Variants in TBC1D1 observed in about 807,000 individuals in gnomAD.
TBC1D1 encodes TBC1 (tre-2/USP6, BUB2, cdc16) domain family, member 1.
Under a neutral mutation model 125.6 loss-of-function variants are expected in TBC1D1, and 89 were observed. The ratio of observed to expected loss-of-function variants is 0.71; its 90% confidence interval spans 0.60 to 0.85. The LOEUF (loss-of-function observed/expected upper bound fraction) is 0.85. Ranked by LOEUF, TBC1D1 falls within the 40% of genes least tolerant of loss-of-function variation. The probability of loss-of-function intolerance (pLI) is 0.00; values close to 1 mark genes in which losing one functional copy is unlikely to be tolerated. For synonymous variants in TBC1D1, 565 were observed against 564.1 expected (o/e 1.00, Z -0.02); for missense variants, 1,377 against 1,469.2 (o/e 0.94, Z 1.03).
chr4:37,977,331 G>C lies in TBC1D1; in HGVS notation c.418-37178G>C, dbSNP rs1367776298. ...GGCCGCCCCGCGGGCGCGACCTCTCGGGGCAGTGACGAACTGGGTGGAGCC... is the reference window on the plus strand; with the variant it reads ...GGCCGCCCCGCGGGCGCGACCTCTCCGGGCAGTGACGAACTGGGTGGAGCC... On this transcript the variant is annotated intron_variant, in intron 2 of 19. Transcript: ENST00000261439. This position sits in a 1 kb window ranked among gnomAD's most constrained non-coding sequence, Gnocchi z 4.3. 5.8e-5 allele frequency: 10 copies of C among 171,084 alleles called. No homozygotes were observed. The highest frequency in any genetic ancestry group is 1.0e-4 in the Non-Finnish European group (9 of 90,106). 10.6% of individuals were successfully genotyped at this position (171,084 alleles called of 1,614,324 possible).
At chr4:37,984,114 G>A (rs527491768) in intron 2 of TBC1D1, among the ~76,000 whole-genome samples, 33 of 151,168 alleles carry the variant, frequency 2.2e-4, no homozygotes, top group African/African-American at 7.5e-4. Context: ...ATTTTTTTGT[G>A]CTGAATCATA....
At chr4:38,018,880 C>T (rs1743396584) in intron 4 of TBC1D1, among the ~76,000 whole-genome samples, 1 of 150,542 alleles carries the variant, frequency 6.6e-6, no homozygotes, top group Non-Finnish European at 1.5e-5. Context: ...ATAGATAGTG[C>T]TTATCTTTGA....
intron 2 of TBC1D1, among the ~76,000 whole-genome samples, chr4:38,005,021 C>CA (rs906833561): frequency 7.7e-4 from 116 of 150,284 alleles, no homozygotes; most frequent in African/African-American, 2.8e-3. Flanking sequence ...AGGGAGAGAG[C>CA]AAAGTGTTCT....
At position 38,021,655 on chromosome 4, in the gene TBC1D1, C is replaced by T; in HGVS notation, c.1147C>T (p.Pro383Ser). Reference sequence around the variant, plus strand: ...CGCAGTGCAGCAGACAGCTAAGGCGCCAGCCCAGCTGTGTGAGGGCTGCCC... The same window carrying T: ...CGCAGTGCAGCAGACAGCTAAGGCGTCAGCCCAGCTGTGTGAGGGCTGCCC... Residue 383 changes from proline (P) to serine (S), a missense_variant, in exon 6 of 20, where the codon CCA becomes TCA. Pro to Ser is a moderately conservative substitution (Grantham distance 74). Coordinates refer to ENST00000261439, the MANE Select transcript of TBC1D1 (RefSeq NM_015173.4). The T allele has an allele frequency of 6.3e-7, 1 of 1,598,174 alleles. No individual in the cohort carries two copies.
rs753990550 is a variant in TBC1D1, at chr4:38,014,711, G to A, written c.620G>A (p.Arg207Gln). The A allele has an allele frequency of 4.3e-6, 7 of 1,612,314 alleles. No individual in the cohort carries two copies. Among genetic ancestry groups the A allele is most frequent in the African/African-American group, 1.3e-5 (1 of 74,922 alleles). Residue 207 changes from arginine (R) to glutamine (Q), a missense_variant, in exon 3 of 20, where the codon CGG becomes CAG. By Grantham distance (43) the Arg-to-Gln change is conservative. Around this residue, in one of 3 missense-constraint regions of TBC1D1, gnomAD observed 822 missense variants for 824.6 expected, o/e 1.00. Coordinates refer to ENST00000261439, the MANE Select transcript of TBC1D1 (RefSeq NM_015173.4). The surrounding 1 kb of genome is among the most constrained non-coding windows in gnomAD (Gnocchi z 5.1). ...AAGTTCAATCACGTCAGCGGCAGCC[G>A]GGGGTCCGAGAGCCCCCGCCCCAAC...
At chr4:37,976,641 C>A (rs1271247627) in intron 2 of TBC1D1, among the ~76,000 whole-genome samples, 1 of 150,254 alleles carries the variant, frequency 6.7e-6, no homozygotes. Context: ...AGCGATTAAA[C>A]CTTTGGACTT....
At chr4:37,985,730 A>T (rs1016215126) in intron 2 of TBC1D1, among the ~76,000 whole-genome samples, 1 of 152,210 alleles carries the variant, frequency 6.6e-6, no homozygotes, top group Admixed American at 6.5e-5. Context: ...TAGGCAGGGT[A>T]GATACTGAGA....
intron 8 of TBC1D1, among the ~76,000 whole-genome samples, chr4:38,042,987 C>T (rs541888954): frequency 7.0e-4 from 107 of 152,074 alleles, no homozygotes; most frequent in Middle Eastern, 3.4e-3. Flanking sequence ...CTGCAACCTC[C>T]GGCTTCTGAG....
intron 2 of TBC1D1, among the ~76,000 whole-genome samples, chr4:37,909,495 G>T (rs1055879468): frequency 2.1e-4 from 32 of 152,250 alleles, no homozygotes; most frequent in African/African-American, 7.0e-4. Context: ...GGCTTCAATT[G>T]CATCTCTTGC....
chr4:38,134,973 GAC>G (rs908480077), intron 19 of TBC1D1, among the ~76,000 whole-genome samples: 1 of 152,238 alleles, frequency 6.6e-6, no homozygotes, highest in Non-Finnish European at 1.5e-5. Context: ...AGTTGAGTAA[GAC>G]ACTGCAGCTC....
intron 8 of TBC1D1, among the ~76,000 whole-genome samples, chr4:38,036,801 C>T (rs532744177): frequency 6.6e-6 from 1 of 152,278 alleles, no homozygotes; most frequent in African/African-American, 2.4e-5. Context: ...GAGTATATGA[C>T]CTGTGTTTTT....
At chr4:37,937,869 G>T (rs970343803) in intron 2 of TBC1D1, among the ~76,000 whole-genome samples, 1 of 152,146 alleles carries the variant, frequency 6.6e-6, no homozygotes, top group Non-Finnish European at 1.5e-5. Context: ...CTGGCTCTTG[G>T]TGCTGTTTGC....
At chr4:37,910,975 A>C (rs933938572) in intron 2 of TBC1D1, among the ~76,000 whole-genome samples, 2 of 151,670 alleles carry the variant, frequency 1.3e-5, no homozygotes, top group Admixed American at 6.6e-5. Context: ...TATAATTTTT[A>C]AAAATAAAAT....
chr4:37,964,065 G>A (rs1480274624), intron 2 of TBC1D1, among the ~76,000 whole-genome samples: 1 of 152,168 alleles, frequency 6.6e-6, no homozygotes, highest in African/African-American at 2.4e-5. Context: ...ACCATAAGAC[G>A]TTCCTGCAGG....
intron 2 of TBC1D1, among the ~76,000 whole-genome samples, chr4:37,973,356 G>A (rs1013851341): frequency 1.3e-5 from 2 of 152,150 alleles, no homozygotes; most frequent in South Asian, 2.1e-4. Flanking sequence ...GCCTGCATAC[G>A]TTCCCGCTGT....
chr4:38,052,745 C>CAT (rs1750976167), intron 11 of TBC1D1, among the ~76,000 whole-genome samples: 1 of 149,152 alleles, frequency 6.7e-6, no homozygotes, highest in South Asian at 2.1e-4. Flanking sequence ...CACACACACA[C>CAT]ACACACACAC....
chr4:37,972,101 C>T (rs6858227), intron 2 of TBC1D1, among the ~76,000 whole-genome samples: 43,592 of 152,080 alleles, frequency 0.29, 6,333 homozygotes, highest in East Asian at 0.36. Context: ...GGGCTGGAAA[C>T]TATCAGTGTC....
intron 2 of TBC1D1, among the ~76,000 whole-genome samples, chr4:37,980,209 A>G (rs1734069666): frequency 6.6e-6 from 1 of 152,246 alleles, no homozygotes; most frequent in South Asian, 2.1e-4. Flanking sequence ...TTATCTGTTT[A>G]AAGAAGAAAG....
intron 13 of TBC1D1, among the ~76,000 whole-genome samples, chr4:38,091,809 C>T (rs1025175546): frequency 6.6e-6 from 1 of 152,200 alleles, no homozygotes; most frequent in Admixed American, 6.5e-5. Context: ...TACCTGGAAC[C>T]CCTTGCCAGG....
Sources: gnomAD v4.1 joint callset for allele counts (sites outside exome capture counted in the v4.1 genomes callset) on GRCh38, gnomAD v4.1.1 for gene constraint, gnomAD v4.1.1 regional missense constraint, Gnocchi (gnomAD v3.1) non-coding constraint, MANE v1.5 for transcripts, NCBI Gene and HGNC (gene_info 2026-07-23, HGNC 2026-07-21) for gene names.